The following PTPRM variants were observed in gnomAD, a reference collection of about 807,000 sequenced individuals.
PTPRM encodes the protein protein tyrosine phosphatase receptor type M, also known as receptor-type tyrosine-protein phosphatase mu.
PTPRM carries 47 observed loss-of-function variants against 186.7 expected under a neutral mutation model. That is an observed-to-expected ratio of 0.25 (90% CI 0.20 to 0.32). The LOEUF (loss-of-function observed/expected upper bound fraction) is 0.32, where lower values mean the gene tolerates loss of function less well. Ranked by LOEUF, PTPRM falls within the 10% of genes least tolerant of loss-of-function variation. The probability of loss-of-function intolerance (pLI) is 1.00; values close to 1 mark genes in which losing one functional copy is unlikely to be tolerated. For missense variants in PTPRM, 1,494 were observed against 1,865.0 expected, an observed-to-expected ratio of 0.80 and a Z score of 3.66; for synonymous variants, 668 against 674.9, an observed-to-expected ratio of 0.99 and a Z score of 0.16.
intron 7 of PTPRM, among the ~76,000 whole-genome samples, chr18:7,977,621 A>T (rs1045637228): frequency 1.2e-4 from 19 of 152,130 alleles, no homozygotes; most frequent in African/African-American, 4.6e-4. Flanking sequence ...TGCCCATAAT[A>T]AGAGATTTGG....
At chr18:8,277,008 T>C (rs1455506753) in intron 19 of PTPRM, among the ~76,000 whole-genome samples, 1 of 152,012 alleles carries the variant, frequency 6.6e-6, no homozygotes, top group Non-Finnish European at 1.5e-5. Flanking sequence ...GACGCAGAGT[T>C]TCACTGCAAC....
chr18:8,127,418 G>GTTTTTTTTT (rs10700223), intron 13 of PTPRM, among the ~76,000 whole-genome samples: 1 of 133,816 alleles, frequency 7.5e-6, no homozygotes, highest in African/African-American at 2.8e-5. Flanking sequence ...CAGCTGTATT[G>GTTTTTTTTT]TTTTTTTTTT....
At chr18:8,344,746 G>A (rs1200364655) in intron 23 of PTPRM, among the ~76,000 whole-genome samples, 1 of 151,868 alleles carries the variant, frequency 6.6e-6, no homozygotes, top group Non-Finnish European at 1.5e-5. Flanking sequence ...GGGAGGGTGG[G>A]CAGCACCAGT....
At chr18:8,219,785 G>A (rs1054730565) in intron 14 of PTPRM, among the ~76,000 whole-genome samples, 1 of 152,186 alleles carries the variant, frequency 6.6e-6, no homozygotes, top group South Asian at 2.1e-4. Flanking sequence ...GTTAAGATAA[G>A]CATGCTATGT....
chr18:7,655,764 T>G lies in PTPRM; in HGVS notation c.73+87873T>G, dbSNP rs531837994. Among the ~76,000 whole-genome samples, 229 of 152,314 alleles carry G rather than the reference T, an allele frequency of 1.5e-3. 1 individual carries two copies. The highest frequency in any genetic ancestry group is 5.1e-3 in the African/African-American group (213 of 41,580). On this transcript the variant is annotated intron_variant, in intron 1 of 32. Transcript: ENST00000580170. ...ATTGAGGAATCTTAAATACATATTA[T>G]TAAGTGAAAGAAGTCAGTTTGAATA... is the stretch of plus-strand genomic sequence containing the variant.
At chr18:8,331,506 A>G (rs2095412147) in intron 22 of PTPRM, among the ~76,000 whole-genome samples, 1 of 152,262 alleles carries the variant, frequency 6.6e-6, no homozygotes, top group Non-Finnish European at 1.5e-5. Context: ...TGCACAGCCT[A>G]GGCTCAGATA....
At chr18:8,222,770 G>A (rs571949816) in intron 14 of PTPRM, among the ~76,000 whole-genome samples, 1 of 152,306 alleles carries the variant, frequency 6.6e-6, no homozygotes, top group African/African-American at 2.4e-5. Context: ...TTCACTATAG[G>A]CAGCTTATGC....
chr18:7,881,480 GT>G (rs1447790062), intron 2 of PTPRM, among the ~76,000 whole-genome samples: 3 of 152,184 alleles, frequency 2.0e-5, no homozygotes, highest in African/African-American at 7.2e-5. Flanking sequence ...TTCGTACTGA[GT>G]TAGTCAAAAT....
At chr18:8,196,951 A>G (rs930133095) in intron 14 of PTPRM, among the ~76,000 whole-genome samples, 1 of 152,256 alleles carries the variant, frequency 6.6e-6, no homozygotes. Context: ...CGGAAGAACC[A>G]TGAAGGATGC....
At chr18:8,236,667 G>A (rs553138757) in intron 14 of PTPRM, among the ~76,000 whole-genome samples, 9 of 151,966 alleles carry the variant, frequency 5.9e-5, no homozygotes, top group East Asian at 1.9e-4. Flanking sequence ...TCAGCCTCCC[G>A]AGTATTTGTG....
intron 2 of PTPRM, among the ~76,000 whole-genome samples, chr18:7,857,203 A>G (rs1156342119): frequency 1.3e-5 from 2 of 152,146 alleles, no homozygotes; most frequent in Non-Finnish European, 2.9e-5. Flanking sequence ...AGATGGTCAC[A>G]TTCAGTAGGT....
chr18:8,157,840 C>G (rs543686040), intron 14 of PTPRM, among the ~76,000 whole-genome samples: 3 of 152,176 alleles, frequency 2.0e-5, no homozygotes, highest in Non-Finnish European at 4.4e-5. Flanking sequence ...CTTCCAGACC[C>G]AGACGCAGCA....
intron 7 of PTPRM, among the ~76,000 whole-genome samples, chr18:8,045,454 T>C (rs928522120): frequency 3.3e-5 from 5 of 152,202 alleles, no homozygotes; most frequent in African/African-American, 9.6e-5. Flanking sequence ...CAAAACGTCG[T>C]ATGTCTACCC....
chr18:7,760,969 C>T (rs1193472022), intron 1 of PTPRM, among the ~76,000 whole-genome samples: 1 of 152,158 alleles, frequency 6.6e-6, no homozygotes, highest in African/African-American at 2.4e-5. Context: ...GTTGTTCTCT[C>T]AGCAGATCTG....
chr18:7,690,618 T>C (rs946674015), intron 1 of PTPRM, among the ~76,000 whole-genome samples: 2 of 152,182 alleles, frequency 1.3e-5, no homozygotes, highest in Non-Finnish European at 2.9e-5. Flanking sequence ...ATATGTCTGA[T>C]AAGTGTTTTC....
intron 7 of PTPRM, among the ~76,000 whole-genome samples, chr18:7,975,232 T>G (rs1191067382): frequency 6.6e-6 from 1 of 152,220 alleles, no homozygotes. Context: ...GCAAACCTAC[T>G]CTTACTGTAC....
At position 8,140,028 on chromosome 18, in the gene PTPRM, A is replaced by G. The variant is rs142669484; in HGVS notation, c.2168-3619A>G. On this transcript the variant is annotated intron_variant, in intron 13 of 32. Transcript: ENST00000580170. ...ATATTGCTGGATTTTTTTCCTCCAC[A>G]TTCAAGGTCAACCTCGTACTAGTCA... is the stretch of plus-strand genomic sequence containing the variant. 8.1e-4 allele frequency among the ~76,000 whole-genome samples: 123 copies of G among 152,280 alleles called. 2 individuals are homozygous for G. Among genetic ancestry groups the G allele is most frequent in the African/African-American group, 2.8e-3 (118 of 41,580 alleles).
chr18:8,235,384 T>C (rs1247322568), intron 14 of PTPRM, among the ~76,000 whole-genome samples: 1 of 151,968 alleles, frequency 6.6e-6, no homozygotes, highest in Non-Finnish European at 1.5e-5. Flanking sequence ...TATTCTTTAT[T>C]ATCCTTTTAA....
intron 28 of PTPRM, among the ~76,000 whole-genome samples, chr18:8,379,825 A>G (rs1435747318): frequency 6.6e-6 from 1 of 152,218 alleles, no homozygotes; most frequent in East Asian, 1.9e-4. Context: ...TTGGTGTCAT[A>G]TCATAAAAGG....
Sources: gnomAD v4.1 joint callset for allele counts (sites outside exome capture counted in the v4.1 genomes callset) on GRCh38, gnomAD v4.1.1 for gene constraint, MANE v1.5 for transcripts, NCBI Gene and HGNC (gene_info 2026-07-23, HGNC 2026-07-21) for gene names.